Variants in GNPTAB observed in about 807,000 individuals in gnomAD.
The protein encoded by GNPTAB is N-acetylglucosamine-1-phosphate transferase subunits alpha and beta.
GNPTAB carries 92 observed loss-of-function variants against 136.6 expected under a neutral mutation model. The ratio of observed to expected loss-of-function variants is 0.67; its 90% confidence interval spans 0.57 to 0.80. GNPTAB has a LOEUF of 0.80. Among genes scored for constraint, GNPTAB ranks in the 30% least tolerant of loss-of-function variants. The pLI is 0.00. For synonymous variants in GNPTAB, 512 were observed against 535.1 expected, an observed-to-expected ratio of 0.96 and a Z score of 0.60; for missense variants, 1,343 against 1,501.8, an observed-to-expected ratio of 0.89 and a Z score of 1.75.
chr12:101,761,301 A>G lies in GNPTAB; in HGVS notation c.2961T>C (p.His987=), dbSNP rs1267365678. The change falls in exon 15 of 21, where the codon CAT becomes CAC. Residue 987 remains histidine, a synonymous_variant. Transcript: ENST00000299314. ...FDKTSFHKVR[H]SEDMQFAFSY... Reference sequence around the variant, plus strand: ...AGAAGGCAAACTGCATATCCTCAGAATGGCGCACTTTGTGAAATGACGTCT... The same window carrying G: ...AGAAGGCAAACTGCATATCCTCAGAGTGGCGCACTTTGTGAAATGACGTCT... 6.2e-7 allele frequency: 1 copy of G among 1,614,054 alleles called. No homozygotes were observed. The highest frequency in any genetic ancestry group is 1.3e-5 in the African/African-American group (1 of 74,940).
chr12:101,812,227 C>T (rs190336045), intron 1 of GNPTAB, among the ~76,000 whole-genome samples: 40 of 152,130 alleles, frequency 2.6e-4, no homozygotes, highest in African/African-American at 8.9e-4. Flanking sequence ...CTGGCCTGGG[C>T]GACAGAGTGA....
chr12:101,830,523 G>T, intron 1 of GNPTAB, 36 bp downstream of exon 1: 1 of 1,275,594 alleles, frequency 7.8e-7, no homozygotes, highest in Non-Finnish European at 1.1e-6. Flanking sequence ...GTGCAGGGTC[G>T]AGGCGCCCGG....
chr12:101,753,399 A>T lies in GNPTAB; in HGVS notation c.3575T>A (p.Phe1192Tyr). ...FELPREYRNR[F>Y]LHMHELQEWR... ...TTCCTGCAGCTCATGCATATGAAGGAAACGGTTTCGATACTCTCTTGGCAG... is the reference window on the plus strand; with the variant it reads ...TTCCTGCAGCTCATGCATATGAAGGTAACGGTTTCGATACTCTCTTGGCAG... The change falls in exon 19 of 21, where the codon TTC (phenylalanine) becomes TAC (tyrosine). Residue 1192 changes from phenylalanine (F) to tyrosine (Y), a missense_variant. Physicochemically the swap from Phe to Tyr is conservative, Grantham distance 22. Transcript: ENST00000299314. 1 of 1,614,106 alleles carries T rather than the reference A, an allele frequency of 6.2e-7. No individual in the cohort carries two copies.
In GNPTAB at chr12:101,747,030, A is replaced by G. The variant is rs897476827; in HGVS notation, c.*134T>C. 8.6e-6 allele frequency: 6 copies of G among 695,318 alleles called. No individual in the cohort carries two copies. The highest frequency in any genetic ancestry group is 4.1e-5 in the Admixed American group (2 of 48,774). The allele number at this position is 695,318 out of a possible 1,614,324, so 43.1% of individuals were successfully genotyped here. A position where few individuals can be genotyped will look rare whatever the true frequency, so the allele number is the denominator to read the frequency against. ...GTCAGTGGGCTATATTCATGCCACA[A>G]AACAGCATGGTACTGGATATTTTCC... is the stretch of plus-strand genomic sequence containing the variant. On this transcript the variant is annotated 3_prime_UTR_variant, in exon 21 of 21. Coordinates refer to ENST00000299314, the MANE Select transcript of GNPTAB (RefSeq NM_024312.5).
chr12:101,770,276 A>C, intron 9 of GNPTAB, 85 bp from the exon 10 acceptor site: 1 of 1,456,680 alleles, frequency 6.9e-7, no homozygotes, highest in South Asian at 1.1e-5. Flanking sequence ...AAGGGAAGGC[A>C]ATGAAGAGCT....
chr12:101,800,451 G>A (rs933924565), intron 1 of GNPTAB, among the ~76,000 whole-genome samples: 6 of 151,610 alleles, frequency 4.0e-5, no homozygotes, highest in South Asian at 2.1e-4. Flanking sequence ...TTTTGGGTCC[G>A]CAAACTTGTC....
intron 7 of GNPTAB, among the ~76,000 whole-genome samples, chr12:101,774,397 T>C (rs1188434480): frequency 6.6e-6 from 1 of 152,218 alleles, no homozygotes; most frequent in Non-Finnish European, 1.5e-5. Flanking sequence ...CCAATTTCAA[T>C]GGCATGACAG....
rs2108694 is a variant in GNPTAB at position 101,788,403 on chromosome 12, G to A, written c.365+145C>T. ...TGCACTCAGCACTGCAAAATTTCCT[G>A]TCTAATAGATGTACCTAATTTGGGG... On this transcript the variant is annotated intron_variant, in intron 4 of 20. Coordinates refer to ENST00000299314, the MANE Select transcript of GNPTAB (RefSeq NM_024312.5). 0.57 allele frequency: 386,900 copies of A among 676,746 alleles called. 115,529 individuals carry two copies. Among genetic ancestry groups the A allele is most frequent in the East Asian group, 0.92 (34,743 of 37,608 alleles). 41.9% of individuals were successfully genotyped at this position (676,746 alleles called of 1,614,324 possible).
chr12:101,796,674 T>C lies in GNPTAB; in HGVS notation c.203+3A>G. On this transcript the variant is annotated splice_donor_region_variant and intron_variant, in intron 2 of 20. Transcript: ENST00000299314. ...TAATAGATTTCTCCAAAATAGATCT[T>C]ACCGATTCTGAAAGGACTTTCCAGC... is the stretch of plus-strand genomic sequence containing the variant. The C allele has an allele frequency of 6.3e-7, 1 of 1,580,038 alleles. No individual in the cohort carries two copies. Among genetic ancestry groups the C allele is most frequent in the Non-Finnish European group, 8.7e-7 (1 of 1,149,114 alleles).
At chr12:101,816,926 T>C (rs749890736) in intron 1 of GNPTAB, among the ~76,000 whole-genome samples, 1 of 152,206 alleles carries the variant, frequency 6.6e-6, no homozygotes, top group Non-Finnish European at 1.5e-5. Context: ...TGATGTGAAG[T>C]AAAATAAGCC....
At chr12:101,771,455 G>A (rs1009449958) in intron 7 of GNPTAB, among the ~76,000 whole-genome samples, 8 of 152,148 alleles carry the variant, frequency 5.3e-5, no homozygotes, top group African/African-American at 1.9e-4. Flanking sequence ...TGTTGGCCAC[G>A]CTGGTCTCCA....
At chr12:101,826,950 GTTTTTTTTTT>G (rs902178707) in intron 1 of GNPTAB, among the ~76,000 whole-genome samples, 3 of 62,354 alleles carry the variant, frequency 4.8e-5, no homozygotes, top group Non-Finnish European at 9.1e-5. Flanking sequence ...TGTGGGAGTT[GTTTTTTTTTT>G]TTTTTTTTTT....
intron 7 of GNPTAB, chr12:101,773,609 T>C (rs1953215575): frequency 1.3e-5 from 2 of 154,004 alleles, no homozygotes; most frequent in Non-Finnish European, 2.9e-5. Flanking sequence ...TCTAATTATA[T>C]ATGCATAAAA....
intron 18 of GNPTAB, chr12:101,756,286 A>G (rs78811618): frequency 0.011 from 1,713 of 157,696 alleles, 41 homozygotes; most frequent in African/African-American, 0.039. Context: ...AACAGGGTTT[A>G]TAGAAAAAAT....
chr12:101,796,845 TTGCTAGA>T, intron 1 of GNPTAB, 83 bp from the exon 2 acceptor site: 1 of 945,338 alleles, frequency 1.1e-6, no homozygotes, highest in Non-Finnish European at 1.7e-6. Flanking sequence ...TTCATTAGAA[TTGCTAGA>T]GAAATGGGTA....
At chr12:101,823,591 C>G (rs1870924894) in intron 1 of GNPTAB, among the ~76,000 whole-genome samples, 1 of 112,238 alleles carries the variant, frequency 8.9e-6, no homozygotes, top group African/African-American at 3.5e-5. Flanking sequence ...GCCTGGGAGA[C>G]AGAACGAGAC....
At chr12:101,796,794 CA>C in intron 1 of GNPTAB, 32 bp from the exon 2 acceptor site, 3 of 1,319,230 alleles carry the variant, frequency 2.3e-6, no homozygotes, top group Non-Finnish European at 2.2e-6. Flanking sequence ...GTTTTCTTCG[CA>C]TCAAAGACTA....
rs1953059037 is a variant in GNPTAB, at chr12:101,764,719, G to A, written c.2198C>T (p.Ser733Leu). 1.2e-6 allele frequency: 2 copies of A among 1,613,286 alleles called. No homozygotes were observed. The highest frequency in any genetic ancestry group is 1.7e-5 in the Admixed American group (1 of 59,930). ...CATCAGAAATGATCTCAGCAAGGCT[G>A]ACTTGGACAAATTGTATCCTTTCAA... ...ITLKGYNLSKSALLRSFLMNS... is the reference protein window; with the variant it reads ...ITLKGYNLSKLALLRSFLMNS... The change falls in exon 13 of 21, where the codon TCA becomes TTA. Residue 733 changes from serine to leucine, a missense_variant. Physicochemically the swap from Ser to Leu is moderately radical, Grantham distance 145. Transcript: ENST00000299314.
chr12:101,770,813 C>A (rs1953159876), intron 8 of GNPTAB, among the ~76,000 whole-genome samples, 183 bp downstream of exon 8: 1 of 152,204 alleles, frequency 6.6e-6, no homozygotes, highest in Non-Finnish European at 1.5e-5. Context: ...GAAGAAGGTT[C>A]TTGGATCTGA....
Sources: allele counts gnomAD v4.1 joint callset (sites outside exome capture counted in the v4.1 genomes callset), GRCh38; gene constraint gnomAD v4.1.1; transcripts MANE v1.5; gene names NCBI Gene and HGNC (gene_info 2026-07-23, HGNC 2026-07-21).